Variants in SLC5A10 observed in about 807,000 individuals in gnomAD.
SLC5A10 encodes the protein sodium/mannose cotransporter SLC5A10.
A neutral mutation model predicts 68.9 loss-of-function variants in SLC5A10; 55 were observed. The ratio of observed to expected loss-of-function variants is 0.80; its 90% CI spans 0.64 to 1.00. The LOEUF (loss-of-function observed/expected upper bound fraction) is 1.00, where lower values mean the gene tolerates loss of function less well. Among genes scored for constraint, SLC5A10 ranks in the 50% least tolerant of loss-of-function variants. The pLI is 0.00. For synonymous variants in SLC5A10, 344 were observed against 344.8 expected, an observed-to-expected ratio of 1.00 and a Z score of 0.02; for missense variants, 732 against 819.3, an observed-to-expected ratio of 0.89 and a Z score of 1.30.
chr17:19,003,781 AGAGG>A lies in SLC5A10; in HGVS notation c.983-9627_983-9624del. On this transcript the variant is annotated intron_variant, in intron 9 of 14. Coordinates refer to ENST00000395645, the MANE Select transcript of SLC5A10 (RefSeq NM_001042450.4). The surrounding 1 kb of genome is among the most constrained non-coding windows in gnomAD (Gnocchi z 4.5). Reference sequence around the variant, plus strand: ...CGACCCCATTGTCCTCGGGCCCCTGAGAGGGGCCCGTGCCCCGAGGGTCCTCAGA... The same window carrying A: ...CGACCCCATTGTCCTCGGGCCCCTGAGGCCCGTGCCCCGAGGGTCCTCAGA... The A allele has an allele frequency of 6.2e-7, 1 of 1,610,978 alleles. No homozygotes were observed. Among genetic ancestry groups the A allele is most frequent in the Non-Finnish European group, 8.5e-7 (1 of 1,179,172 alleles).
intron 9 of SLC5A10, among the ~76,000 whole-genome samples, chr17:19,010,725 G>T (rs2043996309): frequency 6.6e-6 from 1 of 152,168 alleles, no homozygotes; most frequent in Admixed American, 6.5e-5. Context: ...CAGTCAGCCT[G>T]CCTAGGTTCA....
intron 9 of SLC5A10, among the ~76,000 whole-genome samples, chr17:18,986,947 G>A (rs527403375): frequency 6.6e-6 from 1 of 152,372 alleles, no homozygotes; most frequent in African/African-American, 2.4e-5. Flanking sequence ...GCGGCGGGGA[G>A]TGAGGTGGGT....
Position 19,019,574 on chromosome 17 carries a change from C to T in SLC5A10, c.1393C>T (p.Arg465Ter), listed in dbSNP as rs775059393. 7.4e-6 allele frequency: 12 copies of T among 1,611,442 alleles called. No individual in the cohort carries two copies. Among genetic ancestry groups the T allele is most frequent in the African/African-American group, 4.0e-5 (3 of 74,930 alleles). ...TAVFVLGVFWRRANEQGAFWG... is the reference protein window; with the variant it reads ...TAVFVLGVFW The stretch of plus-strand genomic sequence containing the variant: ...AGTCTTTGTCCTGGGCGTCTTCTGG[C>T]GACGTGCCAACGAGCAGGTGGGCGT... Residue 465 changes from arginine to a stop codon, truncating the protein, a stop_gained, in exon 12 of 15, where the codon CGA becomes TGA. Coordinates refer to ENST00000395645, the MANE Select transcript of SLC5A10 (RefSeq NM_001042450.4). LOFTEE classifies it high-confidence loss of function.
At chr17:18,972,585 G>A (rs1174281441) in intron 8 of SLC5A10, among the ~76,000 whole-genome samples, 1 of 152,182 alleles carries the variant, frequency 6.6e-6, no homozygotes, top group Non-Finnish European at 1.5e-5. Context: ...GGACCTGGCC[G>A]GGGGCGGTGG....
rs761167335 is a variant in SLC5A10, at chr17:19,015,155, G to A, written c.1197G>A (p.Arg399=). Reference sequence around the variant, plus strand: ...TCTTCACTATGGACATCTGGAGGCGGCTGCGTCCCCGCTCCGGCGAGCGGG... The same window carrying A: ...TCTTCACTATGGACATCTGGAGGCGACTGCGTCCCCGCTCCGGCGAGCGGG... The part of the protein sequence containing the change: ...STLFTMDIWR[R]LRPRSGEREL... The change falls in exon 11 of 15, where the codon CGG becomes CGA. Residue 399 remains arginine (R), a synonymous_variant. Transcript: ENST00000395645. The A allele has an allele frequency of 6.2e-7, 1 of 1,610,632 alleles. No homozygotes were observed. The highest frequency in any genetic ancestry group is 8.5e-7 in the Non-Finnish European group (1 of 1,177,918).
At position 18,971,250 on chromosome 17, in the gene SLC5A10, T is replaced by C; in HGVS notation, c.846+32T>C. ...GCCAACGTCTCCCGCCCATCCCACC[T>C]TCCTGCCGTCCCAGTGGGCTCTGGT... On this transcript the variant is annotated intron_variant, in intron 8 of 14. Coordinates refer to ENST00000395645, the MANE Select transcript of SLC5A10 (RefSeq NM_001042450.4). The surrounding 1 kb of genome is among the most constrained non-coding windows in gnomAD (Gnocchi z 5.5). 1 of 1,612,484 alleles carries C rather than the reference T, an allele frequency of 6.2e-7. No homozygotes were observed. The highest frequency in any genetic ancestry group is 8.5e-7 in the Non-Finnish European group (1 of 1,178,996).
At chr17:18,988,892 C>T (rs565833074) in intron 9 of SLC5A10, among the ~76,000 whole-genome samples, 16 of 152,308 alleles carry the variant, frequency 1.1e-4, no homozygotes, top group African/African-American at 3.8e-4. Context: ...AGGGTGGGGC[C>T]CCAGTGGTCA....
In SLC5A10 at chr17:19,020,350, C is replaced by T. The variant is rs376266996; in HGVS notation, c.1710C>T (p.His570=). ...GTGATGGCCAAACACCCCAGAAACA[C>T]GCCTTCTGGGCCCGTGTCTGTGGCT... The part of the protein sequence containing the change: ...KAGDGQTPQK[H]AFWARVCGFN... Residue 570 remains histidine (H), a synonymous_variant, in exon 15 of 15, where the codon CAC becomes CAT. Transcript: ENST00000395645. 2.4e-4 allele frequency: 387 copies of T among 1,614,072 alleles called. No individual in the cohort carries two copies. Among genetic ancestry groups the T allele is most frequent in the Non-Finnish European group, 3.1e-4 (365 of 1,180,048 alleles).
At chr17:18,969,590 G>A (rs1222885162) in intron 7 of SLC5A10, 168 bp downstream of exon 7, 3 of 603,942 alleles carry the variant, frequency 5.0e-6, no homozygotes, top group Non-Finnish European at 8.6e-6. Context: ...CCCCCCTGCT[G>A]GCCCCTCAGG....
intron 9 of SLC5A10, among the ~76,000 whole-genome samples, chr17:19,005,296 C>T (rs1034503850): frequency 2.0e-5 from 3 of 152,210 alleles, no homozygotes; most frequent in Non-Finnish European, 2.9e-5. Flanking sequence ...TTCTGCGTGG[C>T]GGGCAGCACC....
At chr17:18,978,337 C>T (rs1468806108) in intron 9 of SLC5A10, 2 of 1,604,014 alleles carry the variant, frequency 1.2e-6, no homozygotes, top group Admixed American at 1.7e-5. Flanking sequence ...TGCGGTTCAT[C>T]TGGCTGGGCT....
chr17:19,006,481 C>A (rs2043896130), intron 9 of SLC5A10, among the ~76,000 whole-genome samples: 1 of 146,626 alleles, frequency 6.8e-6, no homozygotes, highest in Non-Finnish European at 1.5e-5. Context: ...TCAAGTGATT[C>A]TCCCACCTTG....
At chr17:19,014,697 G>A (rs989170154) in intron 10 of SLC5A10, among the ~76,000 whole-genome samples, 4 of 152,142 alleles carry the variant, frequency 2.6e-5, no homozygotes, top group African/African-American at 7.2e-5. Context: ...TGCTTTCCTC[G>A]GACGAAGGCA....
At chr17:18,977,104 A>C in intron 9 of SLC5A10, 115 bp downstream of exon 9, 6 of 1,396,536 alleles carry the variant, frequency 4.3e-6, no homozygotes, top group Non-Finnish European at 5.9e-6. Flanking sequence ...CTGTTCCCCA[A>C]CCTGGGGAGT....
In SLC5A10 at chr17:19,004,332, T is replaced by C. The variant is rs1597897629; in HGVS notation, c.983-9078T>C. The stretch of plus-strand genomic sequence containing the variant: ...GCACTGGACTGGGATGGGAAGAAAG[T>C]AAGGGATCGGAACAGCGGTGAGGGA... On this transcript the variant is annotated intron_variant, in intron 9 of 14. Coordinates refer to ENST00000395645, the MANE Select transcript of SLC5A10 (RefSeq NM_001042450.4). This position sits in a 1 kb window ranked among gnomAD's most constrained non-coding sequence, Gnocchi z 5.4. 7 of 372,178 alleles carry C rather than the reference T, an allele frequency of 1.9e-5. No individual in the cohort carries two copies. The East Asian group carries it at 4.0e-4, about 22-fold the overall frequency. 23.1% of individuals were successfully genotyped at this position (372,178 alleles called of 1,614,324 possible). A position where few individuals can be genotyped will look rare whatever the true frequency, so the allele number is the denominator to read the frequency against.
chr17:18,961,162 A>C (rs2151994208), intron 5 of SLC5A10, among the ~76,000 whole-genome samples: 1 of 152,316 alleles, frequency 6.6e-6, no homozygotes, highest in East Asian at 1.9e-4. Context: ...TGTCAGGGTC[A>C]GGAGAAGCAT....
intron 9 of SLC5A10, among the ~76,000 whole-genome samples, chr17:18,990,558 G>C (rs918616123): frequency 6.6e-6 from 1 of 152,208 alleles, no homozygotes; most frequent in Non-Finnish European, 1.5e-5. Context: ...GCTTGGGCTG[G>C]GGGACGTGCC....
In SLC5A10 at chr17:19,004,219, CG is replaced by C. The variant is rs2152143930; in HGVS notation, c.983-9187del. 1 of 120,834 alleles carries C rather than the reference CG, an allele frequency of 8.3e-6. No homozygotes were observed. The highest frequency in any genetic ancestry group is 2.8e-4 in the East Asian group (1 of 3,556). The allele number at this position is 120,834 out of a possible 1,614,324, so 7.5% of individuals were successfully genotyped here. A position where few individuals can be genotyped will look rare whatever the true frequency, so the allele number is the denominator to read the frequency against. On this transcript the variant is annotated intron_variant, in intron 9 of 14. Coordinates refer to ENST00000395645, the MANE Select transcript of SLC5A10 (RefSeq NM_001042450.4). This position sits in a 1 kb window ranked among gnomAD's most constrained non-coding sequence, Gnocchi z 5.4. ...GGCTCGGCGGGGAGGGCGGGCCGCG[CG>C]GGGAGGGGCGGCGGGGGCGGGGCCG...
intron 11 of SLC5A10, 28 bp from the exon 12 acceptor site, chr17:19,019,395 C>A: frequency 6.3e-7 from 1 of 1,596,426 alleles, no homozygotes. Flanking sequence ...CCCACGACGA[C>A]CGCTGCCTGC....
Sources: gnomAD v4.1 joint callset for allele counts (sites outside exome capture counted in the v4.1 genomes callset) on GRCh38, gnomAD v4.1.1 for gene constraint, Gnocchi (gnomAD v3.1) non-coding constraint, MANE v1.5 for transcripts, NCBI Gene and HGNC (gene_info 2026-07-23, HGNC 2026-07-21) for gene names.